Variants in HS3ST4 observed in about 807,000 individuals in gnomAD.
The protein encoded by HS3ST4 is heparan sulfate-glucosamine 3-sulfotransferase 4.
Under a neutral mutation model 29.2 loss-of-function variants are expected in HS3ST4, and 17 were observed. The observed-to-expected ratio is 0.58, with a 90% confidence interval of 0.40 to 0.87. HS3ST4 has a LOEUF of 0.87. Among genes scored for constraint, HS3ST4 ranks in the 40% least tolerant of loss-of-function variants. HS3ST4 has a pLI of 0.00. For missense variants in HS3ST4, 627 were observed against 634.5 expected, an observed-to-expected ratio of 0.99 and a Z score of 0.13; for synonymous variants, 314 against 285.7, an observed-to-expected ratio of 1.10 and a Z score of -1.00.
intron 1 of HS3ST4, among the ~76,000 whole-genome samples, chr16:25,782,347 T>C (rs4520838): frequency 0.62 from 94,604 of 151,960 alleles, 29,713 homozygotes; most frequent in South Asian, 0.76. Context: ...GGCTCTTGCT[T>C]TTGCTAGTGT....
intron 1 of HS3ST4, among the ~76,000 whole-genome samples, chr16:25,894,904 T>C (rs1411443865): frequency 2.0e-5 from 3 of 152,236 alleles, no homozygotes; most frequent in African/African-American, 7.2e-5. Flanking sequence ...TTAGCAATTA[T>C]GTATTCATTC....
intron 1 of HS3ST4, among the ~76,000 whole-genome samples, chr16:25,887,975 G>A (rs1443857670): frequency 6.6e-6 from 1 of 152,070 alleles, no homozygotes; most frequent in African/African-American, 2.4e-5. Flanking sequence ...GGGATTATAG[G>A]CATGAGCCAC....
At chr16:25,732,054 A>G (rs1466625324) in intron 1 of HS3ST4, among the ~76,000 whole-genome samples, 3 of 152,174 alleles carry the variant, frequency 2.0e-5, no homozygotes, top group Non-Finnish European at 4.4e-5. Context: ...ACACATTGCA[A>G]AACCCATAAG....
intron 1 of HS3ST4, among the ~76,000 whole-genome samples, chr16:25,845,822 T>A (rs1254473849): frequency 6.6e-6 from 1 of 152,180 alleles, no homozygotes; most frequent in African/African-American, 2.4e-5. Context: ...TCCTTTCGAA[T>A]AAGTTTATTC....
At chr16:25,863,524 T>G (rs1280257009) in intron 1 of HS3ST4, among the ~76,000 whole-genome samples, 1 of 152,268 alleles carries the variant, frequency 6.6e-6, no homozygotes, top group Non-Finnish European at 1.5e-5. Flanking sequence ...GTATTATTTC[T>G]GTCTCCACTA....
chr16:25,831,500 A>T (rs1395017318), intron 1 of HS3ST4, among the ~76,000 whole-genome samples: 6 of 151,400 alleles, frequency 4.0e-5, no homozygotes, highest in African/African-American at 1.5e-4. Context: ...CTGAGGTGGG[A>T]GGATTGCTTT....
intron 1 of HS3ST4, among the ~76,000 whole-genome samples, chr16:25,783,495 C>T (rs1966854536): frequency 6.6e-6 from 1 of 150,682 alleles, no homozygotes; most frequent in South Asian, 2.1e-4. Context: ...CTGCCAGTGG[C>T]ATAATGACAA....
intron 1 of HS3ST4, among the ~76,000 whole-genome samples, chr16:25,857,542 C>G (rs1273623339): frequency 2.6e-5 from 4 of 152,088 alleles, no homozygotes; most frequent in Non-Finnish European, 5.9e-5. Flanking sequence ...TGAGACGAGG[C>G]TGTAGTTTTT....
At chr16:25,786,874 AG>A (rs1258682077) in intron 1 of HS3ST4, among the ~76,000 whole-genome samples, 2 of 152,160 alleles carry the variant, frequency 1.3e-5, no homozygotes, top group Admixed American at 6.5e-5. Flanking sequence ...TGATTCCGGG[AG>A]GGGGATGCTG....
intron 1 of HS3ST4, among the ~76,000 whole-genome samples, chr16:26,066,569 TTC>T (rs1898544865): frequency 1.3e-5 from 2 of 152,168 alleles, no homozygotes. Flanking sequence ...CATCTACTCA[TTC>T]TCTGAGCATC....
At chr16:25,971,004 C>T (rs1049281897) in intron 1 of HS3ST4, among the ~76,000 whole-genome samples, 2 of 151,896 alleles carry the variant, frequency 1.3e-5, no homozygotes, top group African/African-American at 4.8e-5. Flanking sequence ...GTGTGTGTCA[C>T]CATGCCTGTC....
At chr16:26,104,006 A>G (rs1194954368) in intron 1 of HS3ST4, among the ~76,000 whole-genome samples, 1 of 152,234 alleles carries the variant, frequency 6.6e-6, no homozygotes, top group Non-Finnish European at 1.5e-5. Context: ...GGTTCCTATG[A>G]TGCCATAAAA....
At chr16:25,842,351 C>G (rs1967423934) in intron 1 of HS3ST4, among the ~76,000 whole-genome samples, 1 of 152,256 alleles carries the variant, frequency 6.6e-6, no homozygotes, top group African/African-American at 2.4e-5. Flanking sequence ...ACTGAGATAA[C>G]TGACACAGTC....
At chr16:25,920,226 A>G (rs1266379298) in intron 1 of HS3ST4, among the ~76,000 whole-genome samples, 1 of 152,142 alleles carries the variant, frequency 6.6e-6, no homozygotes, top group African/African-American at 2.4e-5. Context: ...ACCCTTGCCT[A>G]GATTTCAATC....
chr16:25,877,696 G>A (rs1280772701), intron 1 of HS3ST4, among the ~76,000 whole-genome samples: 1 of 151,270 alleles, frequency 6.6e-6, no homozygotes. Flanking sequence ...CCAGAGCTAT[G>A]AGATAAGAAA....
chr16:25,764,413 C>T (rs1966805729), intron 1 of HS3ST4, among the ~76,000 whole-genome samples: 1 of 152,168 alleles, frequency 6.6e-6, no homozygotes, highest in Non-Finnish European at 1.5e-5. Flanking sequence ...GGATCACATA[C>T]AGCCAGGACA....
At chr16:26,018,094 G>A (rs933384402) in intron 1 of HS3ST4, among the ~76,000 whole-genome samples, 2 of 152,208 alleles carry the variant, frequency 1.3e-5, no homozygotes, top group Non-Finnish European at 2.9e-5. Context: ...TCCCATGTCT[G>A]TGCTCACTTG....
At chr16:25,911,626 C>A (rs1968241184) in intron 1 of HS3ST4, among the ~76,000 whole-genome samples, 2 of 151,452 alleles carry the variant, frequency 1.3e-5, no homozygotes, top group African/African-American at 4.9e-5. Context: ...CCTGCCTCAG[C>A]CTCCTTAGTA....
chr16:25,807,675 C>T (rs781291953), intron 1 of HS3ST4, among the ~76,000 whole-genome samples: 3 of 152,058 alleles, frequency 2.0e-5, no homozygotes, highest in Non-Finnish European at 2.9e-5. Context: ...AATAAATGCC[C>T]AAGAGCGCAG....
Sources: allele counts gnomAD v4.1 joint callset (sites outside exome capture counted in the v4.1 genomes callset), GRCh38; gene constraint gnomAD v4.1.1; transcripts MANE v1.5; gene names NCBI Gene and HGNC (gene_info 2026-07-23, HGNC 2026-07-21).